ABR: variants seen among roughly 807,000 people sequenced by gnomAD.
ABR encodes the protein active breakpoint cluster region-related protein.
Under a neutral mutation model 107.2 loss-of-function variants are expected in ABR, and 35 were observed. The observed-to-expected ratio is 0.33, with a 90% CI of 0.25 to 0.43. The LOEUF (loss-of-function observed/expected upper bound fraction) is 0.43, where lower values mean the gene tolerates loss of function less well. Ranked by LOEUF, ABR falls within the 20% of genes least tolerant of loss-of-function variation. The probability of loss-of-function intolerance (pLI) is 1.00; values close to 1 mark genes in which losing one functional copy is unlikely to be tolerated. For missense variants in ABR, 815 were observed against 1,115.2 expected (o/e 0.73, Z 3.83); for synonymous variants, 498 against 462.0 (o/e 1.08, Z -1.00).
intron 16 of ABR, among the ~76,000 whole-genome samples, chr17:1,026,577 G>A (rs574736781): frequency 2.3e-4 from 35 of 152,232 alleles, no homozygotes; most frequent in South Asian, 1.7e-3. Flanking sequence ...CCAGCTCCAC[G>A]GGCCCCTCCC....
intron 1 of ABR, among the ~76,000 whole-genome samples, chr17:1,224,915 T>C (rs60445515): frequency 0.15 from 23,257 of 151,686 alleles, 2,768 homozygotes; most frequent in African/African-American, 0.33. Flanking sequence ...TTTGGGAGGC[T>C]GAGATGGGCG....
intron 12 of ABR, chr17:1,057,708 A>T: frequency 2.2e-6 from 1 of 450,268 alleles, no homozygotes; most frequent in African/African-American, 2.0e-5. Flanking sequence ...TGTGTGAGAG[A>T]GAGAGAGAGG....
chr17:1,109,220 T>G, intron 2 of ABR: 1 of 1,056,762 alleles, frequency 9.5e-7, no homozygotes, highest in Non-Finnish European at 1.3e-6. Context: ...ATCCCGGACC[T>G]AGTCCAGCCC....
chr17:1,112,701 G>A lies in ABR; in HGVS notation c.247-11966C>T, dbSNP rs551665173. On this transcript the variant is annotated intron_variant, in intron 2 of 22. Transcript: ENST00000302538. ...GAAGATGAACTTGGAGAAGTGGGCT[G>A]AACAGCATCATGGAGGGTGAGGGGC... Among the ~76,000 whole-genome samples, 20 of 152,032 alleles carry A rather than the reference G, an allele frequency of 1.3e-4. 1 individual carries two copies. In the Middle Eastern group the frequency reaches 0.027, roughly 207 times the overall value.
intron 4 of ABR, among the ~76,000 whole-genome samples, chr17:1,090,675 G>A (rs1266106798): frequency 6.6e-6 from 1 of 152,204 alleles, no homozygotes; most frequent in Non-Finnish European, 1.5e-5. Context: ...GCAGGAGAGG[G>A]AGAGTCTTCT....
intron 1 of ABR, among the ~76,000 whole-genome samples, chr17:1,207,912 A>G (rs2042826621): frequency 6.6e-6 from 1 of 151,378 alleles, no homozygotes; most frequent in Non-Finnish European, 1.5e-5. Flanking sequence ...TGGGATTACA[A>G]GGCGCCTGCC....
intron 16 of ABR, among the ~76,000 whole-genome samples, chr17:1,035,634 C>A (rs1320388899): frequency 8.5e-5 from 2 of 23,438 alleles, no homozygotes; most frequent in African/African-American, 4.5e-4. Context: ...CCCTTCCATC[C>A]CCCACACCTG....
At position 1,037,378 on chromosome 17, in the gene ABR, C is replaced by T. The variant is rs2073276777; in HGVS notation, c.1791+12672G>A. Among the ~76,000 whole-genome samples, 1 of 152,196 alleles carries T rather than the reference C, an allele frequency of 6.6e-6. No homozygotes were observed. The highest frequency in any genetic ancestry group is 2.4e-5 in the African/African-American group (1 of 41,452). Reference sequence around the variant, plus strand: ...CCAGCCTCTCTCTGGCCACGTCAGGCTGGTGTCGCCAGGGTGCTCGGTGGT... The same window carrying T: ...CCAGCCTCTCTCTGGCCACGTCAGGTTGGTGTCGCCAGGGTGCTCGGTGGT... On this transcript the variant is annotated intron_variant, in intron 16 of 22. Transcript: ENST00000302538. This position sits in a 1 kb window ranked among gnomAD's most constrained non-coding sequence, Gnocchi z 4.6.
At chr17:1,015,092 G>A (rs1187386178) in intron 16 of ABR, among the ~76,000 whole-genome samples, 1 of 152,008 alleles carries the variant, frequency 6.6e-6, no homozygotes, top group Non-Finnish European at 1.5e-5. Context: ...AATATATTCA[G>A]GATTAGTTAG....
chr17:1,172,966 C>G (rs1444907650), intron 1 of ABR, among the ~76,000 whole-genome samples: 1 of 100,104 alleles, frequency 1.0e-5, no homozygotes, highest in Non-Finnish European at 2.6e-5. Flanking sequence ...CCCATCACCT[C>G]AGCCCACCCA....
intron 16 of ABR, chr17:1,031,448 G>A (rs1024551259): frequency 3.8e-6 from 2 of 529,590 alleles, no homozygotes; most frequent in Non-Finnish European, 5.7e-6. Context: ...AAGCCACTTA[G>A]AGGGACGCGC....
chr17:1,190,077 T>A (rs778330473), upstream of ABR, among the ~76,000 whole-genome samples: 12 of 152,242 alleles, frequency 7.9e-5, no homozygotes, highest in Non-Finnish European at 1.8e-4. Flanking sequence ...AAAGAACAAA[T>A]GGCCCCTAGG....
intron 21 of ABR, among the ~76,000 whole-genome samples, chr17:1,008,495 C>T (rs2070241555): frequency 6.6e-6 from 1 of 152,252 alleles, no homozygotes; most frequent in South Asian, 2.1e-4. Flanking sequence ...CAGACTGTGC[C>T]CAGTTCCCAG....
intron 2 of ABR, among the ~76,000 whole-genome samples, chr17:1,109,401 G>A (rs1173244741): frequency 6.6e-6 from 1 of 151,916 alleles, no homozygotes; most frequent in Non-Finnish European, 1.5e-5. Flanking sequence ...GCCCTTCCCG[G>A]GCTCCGGGGC....
intron 1 of ABR, among the ~76,000 whole-genome samples, chr17:1,203,812 G>A (rs947299512): frequency 6.6e-6 from 1 of 152,234 alleles, no homozygotes; most frequent in African/African-American, 2.4e-5. Context: ...TCCGCGTGGC[G>A]AGAGACCCGC....
In ABR at chr17:1,003,653, A is replaced by G. The variant is rs891750011; in HGVS notation, c.*2427T>C. 3.3e-5 allele frequency: 5 copies of G among 152,500 alleles called. No homozygotes were observed. The highest frequency in any genetic ancestry group is 1.3e-4 in the Admixed American group (2 of 15,288). The allele number at this position is 152,500 out of a possible 1,614,324, so 9.4% of individuals were successfully genotyped here. On this transcript the variant is annotated 3_prime_UTR_variant, in exon 23 of 23. Transcript: ENST00000302538. ...AAAAATATATCCTTACCAACTTATTAAAGTCAGATATTCATGAAGGGTCCC... is the reference window on the plus strand; with the variant it reads ...AAAAATATATCCTTACCAACTTATTGAAGTCAGATATTCATGAAGGGTCCC...
At chr17:1,196,916 A>C (rs4405607) in intron 1 of ABR, among the ~76,000 whole-genome samples, 1 of 151,506 alleles carries the variant, frequency 6.6e-6, no homozygotes, top group East Asian at 1.9e-4. Flanking sequence ...GGATGGTCTC[A>C]ATCTCCTGAC....
intron 21 of ABR, among the ~76,000 whole-genome samples, chr17:1,008,643 C>T (rs201398529): frequency 3.9e-5 from 6 of 152,224 alleles, no homozygotes; most frequent in African/African-American, 1.4e-4. Flanking sequence ...ACACCAGCCC[C>T]GGGCGCGTCC....
Position 1,013,284 on chromosome 17 carries a change from G to C in ABR, c.1792-120C>G, listed in dbSNP as rs575444428. 150 of 985,422 alleles carry C rather than the reference G, an allele frequency of 1.5e-4. 3 individuals are homozygous for C. The South Asian group carries it at 2.0e-3, about 13-fold the overall frequency. The allele number at this position is 985,422 out of a possible 1,614,324, so 61.0% of individuals were successfully genotyped here. A position where few individuals can be genotyped will look rare whatever the true frequency, so the allele number is the denominator to read the frequency against. On this transcript the variant is annotated intron_variant, in intron 16 of 22. Coordinates refer to ENST00000302538, the MANE Select transcript of ABR (RefSeq NM_021962.5). The stretch of plus-strand genomic sequence containing the variant: ...GTCAGGAAGGCGGAAGTGAGCAGCT[G>C]GGATAAGCTGATGTTTACCTGGAAA...
Sources: allele counts gnomAD v4.1 joint callset (sites outside exome capture counted in the v4.1 genomes callset), GRCh38; gene constraint gnomAD v4.1.1; non-coding constraint Gnocchi (gnomAD v3.1); transcripts MANE v1.5; gene names NCBI Gene and HGNC (gene_info 2026-07-23, HGNC 2026-07-21).